The following MBD5 variants were observed in gnomAD, a reference collection of about 807,000 sequenced individuals.
MBD5 encodes the protein methyl-CpG binding domain protein 5, also known as methyl-CpG-binding domain protein 5.
Under a neutral mutation model 117.3 loss-of-function variants are expected in MBD5, and 13 were observed. The ratio of observed to expected loss-of-function variants is 0.11; its 90% CI spans 0.07 to 0.18. MBD5 has a LOEUF of 0.18. MBD5 is among the 10% of genes least tolerant of loss of function. The pLI is 1.00. For synonymous variants in MBD5, 727 were observed against 766.4 expected (o/e 0.95, Z 0.85); for missense variants, 1,879 against 2,093.8 (o/e 0.90, Z 2.00).
chr2:148,421,659 C>A (rs1705611695), intron 4 of MBD5, among the ~76,000 whole-genome samples: 3 of 152,118 alleles, frequency 2.0e-5, no homozygotes, highest in Admixed American at 2.0e-4. Context: ...CCCCAGGGAG[C>A]CCAGCAAGCT....
chr2:148,127,036 C>T (rs556956201), intron 1 of MBD5, among the ~76,000 whole-genome samples: 5 of 146,100 alleles, frequency 3.4e-5, no homozygotes, highest in African/African-American at 1.0e-4. Flanking sequence ...GAGTGCGTGG[C>T]GCGATCTCGG....
chr2:148,389,589 C>T (rs1017021953), intron 4 of MBD5, among the ~76,000 whole-genome samples: 12 of 152,000 alleles, frequency 7.9e-5, no homozygotes, highest in African/African-American at 2.7e-4. Flanking sequence ...TCCTCACCAA[C>T]GTCTGTTATT....
At chr2:148,313,449 C>T (rs1702084304) in intron 3 of MBD5, among the ~76,000 whole-genome samples, 1 of 151,842 alleles carries the variant, frequency 6.6e-6, no homozygotes, top group Non-Finnish European at 1.5e-5. Flanking sequence ...TTTGTTTACA[C>T]TGTGAGGGTA....
intron 1 of MBD5, among the ~76,000 whole-genome samples, chr2:148,085,917 G>C (rs1368578280): frequency 6.6e-6 from 1 of 152,002 alleles, no homozygotes; most frequent in East Asian, 1.9e-4. Context: ...GAAAATTTAC[G>C]TAAATGTATA....
intron 1 of MBD5, among the ~76,000 whole-genome samples, chr2:148,081,991 T>C (rs1695659454): frequency 1.3e-5 from 2 of 152,250 alleles, no homozygotes; most frequent in African/African-American, 4.8e-5. Context: ...TGAGTCTATA[T>C]AATTCATTTT....
chr2:148,477,006 T>C (rs957549901), intron 8 of MBD5, among the ~76,000 whole-genome samples: 4 of 152,012 alleles, frequency 2.6e-5, no homozygotes, highest in Non-Finnish European at 5.9e-5. Context: ...GAGGAATTTT[T>C]TAAAAAAAAC....
At chr2:148,164,390 G>T (rs945782945) in intron 1 of MBD5, among the ~76,000 whole-genome samples, 3 of 152,060 alleles carry the variant, frequency 2.0e-5, no homozygotes, top group Non-Finnish European at 4.4e-5. Context: ...GTGTCTTGGT[G>T]GGGGTAGGGT....
intron 1 of MBD5, chr2:148,044,521 G>A (rs556275395): frequency 4.9e-4 from 75 of 152,150 alleles, no homozygotes; most frequent in Non-Finnish European, 9.7e-4. Flanking sequence ...GGAGTCACGG[G>A]AGACCAGGTA....
intron 3 of MBD5, chr2:148,296,734 A>G (rs1574254003): frequency 6.6e-6 from 1 of 151,888 alleles, no homozygotes; most frequent in Non-Finnish European, 1.5e-5. Context: ...CACACACCAA[A>G]CCTGCCCAGC....
At chr2:148,445,001 C>A (rs1706443953) in intron 4 of MBD5, among the ~76,000 whole-genome samples, 1 of 151,170 alleles carries the variant, frequency 6.6e-6, no homozygotes, top group Non-Finnish European at 1.5e-5. Flanking sequence ...GTTTCCACAT[C>A]CCTTGCTTGC....
chr2:148,095,273 A>G (rs1251329953), intron 1 of MBD5, among the ~76,000 whole-genome samples: 2 of 152,194 alleles, frequency 1.3e-5, no homozygotes, highest in Non-Finnish European at 2.9e-5. Flanking sequence ...CATTTTTTAA[A>G]GTACTTGAAA....
At chr2:148,035,804 G>A (rs761369276) in intron 1 of MBD5, among the ~76,000 whole-genome samples, 6 of 152,002 alleles carry the variant, frequency 3.9e-5, no homozygotes, top group Non-Finnish European at 5.9e-5. Flanking sequence ...TAGTAAAATG[G>A]GCCTAGTCAG....
intron 3 of MBD5, among the ~76,000 whole-genome samples, chr2:148,289,195 A>T (rs1228404381): frequency 6.6e-6 from 1 of 152,194 alleles, no homozygotes; most frequent in East Asian, 1.9e-4. Context: ...CTTTTCCAGA[A>T]TAAGAAAAAT....
chr2:148,424,501 C>G (rs1309511816), intron 4 of MBD5, among the ~76,000 whole-genome samples: 2 of 151,920 alleles, frequency 1.3e-5, no homozygotes, highest in Non-Finnish European at 2.9e-5. Flanking sequence ...CAAGGATATT[C>G]AGGACTTGAA....
At chr2:148,094,372 T>C (rs1696010904) in intron 1 of MBD5, among the ~76,000 whole-genome samples, 1 of 152,172 alleles carries the variant, frequency 6.6e-6, no homozygotes, top group South Asian at 2.1e-4. Flanking sequence ...ATAATCCAAA[T>C]TGACTTGCCA....
chr2:148,044,047 C>T (rs927879576), intron 1 of MBD5, among the ~76,000 whole-genome samples: 1 of 152,080 alleles, frequency 6.6e-6, no homozygotes, highest in African/African-American at 2.4e-5. Context: ...TTCAGATGTA[C>T]GTAGTGATAT....
At chr2:148,381,480 A>G (rs1005577215) in intron 4 of MBD5, among the ~76,000 whole-genome samples, 3 of 152,214 alleles carry the variant, frequency 2.0e-5, no homozygotes, top group Non-Finnish European at 2.9e-5. Context: ...ATCTACGTCT[A>G]ATTGGTGTAC....
intron 3 of MBD5, among the ~76,000 whole-genome samples, chr2:148,274,968 T>G (rs527375813): frequency 1.3e-5 from 2 of 152,226 alleles, no homozygotes; most frequent in South Asian, 4.1e-4. Context: ...TGACCTCAAG[T>G]GATCCACCCA....
At chr2:148,067,681 T>C (rs949287759) in intron 1 of MBD5, among the ~76,000 whole-genome samples, 3 of 152,208 alleles carry the variant, frequency 2.0e-5, no homozygotes, top group Non-Finnish European at 2.9e-5. Flanking sequence ...TCCCTTGTCT[T>C]ACATTATCCC....
Sources: allele counts gnomAD v4.1 joint callset (sites outside exome capture counted in the v4.1 genomes callset), GRCh38; gene constraint gnomAD v4.1.1; transcripts MANE v1.5; gene names NCBI Gene and HGNC (gene_info 2026-07-23, HGNC 2026-07-21).